MROH1: variants seen among roughly 807,000 people sequenced by gnomAD.
The protein encoded by MROH1 is maestro heat-like repeat-containing protein family member 1.
In MROH1, 117 loss-of-function variants were observed where a neutral mutation model predicts 116.5. The ratio of observed to expected loss-of-function variants is 1.00; its 90% CI spans 0.86 to 1.17. MROH1 has a LOEUF of 1.17. MROH1 is among the 50% of genes most tolerant of loss of function. The pLI is 0.00. For synonymous variants in MROH1, 921 were observed against 583.9 expected (o/e 1.58, Z -8.32); for missense variants, 1,873 against 1,338.5 (o/e 1.40, Z -6.23).
At chr8:144,165,879 C>T (rs1820713536) in intron 3 of MROH1, among the ~76,000 whole-genome samples, 1 of 150,240 alleles carries the variant, frequency 6.7e-6, no homozygotes, top group African/African-American at 2.5e-5. Context: ...GGCCATCAGG[C>T]ATTTATTTTT....
chr8:144,260,355 T>G lies in MROH1; in HGVS notation c.4361T>G (p.Ile1454Ser). Reference protein sequence around the residue: ...RSGLLHVAIRIRPFFDSEKME... With the variant: ...RSGLLHVAIRSRPFFDSEKME... ...GGGCTGCTGCACGTGGCCATCCGCA[T>G]CCGGCCTTTCTTCGACAGTGTAGGC... The change falls in exon 39 of 44, where the codon ATC (isoleucine) becomes AGC (serine). Residue 1454 changes from isoleucine to serine, a missense_variant. Ile to Ser is a moderately radical substitution (Grantham distance 142). Coordinates refer to ENST00000326134, the MANE Select transcript of MROH1 (RefSeq NM_032450.3). 1 of 726,036 alleles carries G rather than the reference T, an allele frequency of 1.4e-6. No homozygotes were observed. The highest frequency in any genetic ancestry group is 2.6e-5 in the East Asian group (1 of 38,616). The allele number at this position is 726,036 out of a possible 1,614,324, so 45.0% of individuals were successfully genotyped here. A position where few individuals can be genotyped will look rare whatever the true frequency, so the allele number is the denominator to read the frequency against.
intron 7 of MROH1, among the ~76,000 whole-genome samples, chr8:144,189,786 C>T (rs1396335909): frequency 1.3e-5 from 2 of 152,182 alleles, no homozygotes; most frequent in Non-Finnish European, 2.9e-5. Flanking sequence ...ATGTGTGGCA[C>T]AAGTCTGTCT....
intron 24 of MROH1, among the ~76,000 whole-genome samples, 162 bp from the exon 25 acceptor site, chr8:144,243,332 G>A (rs1338743536): frequency 1.3e-5 from 2 of 152,230 alleles, no homozygotes; most frequent in African/African-American, 2.4e-5. Context: ...GTGGCCCCCC[G>A]CTTCTTCCAC....
chr8:144,255,519 C>G lies in MROH1; in HGVS notation c.3605C>G (p.Ala1202Gly). 1.3e-6 allele frequency: 1 copy of G among 779,030 alleles called. No homozygotes were observed. The highest frequency in any genetic ancestry group is 1.3e-5 in the South Asian group (1 of 74,556). The allele number at this position is 779,030 out of a possible 1,614,324, so 48.3% of individuals were successfully genotyped here. ...TGACTTCTCCCCCAGGCTACCTGTG[C>G]ACTGTTTGAGGTCATGTCCACGCCT... is the stretch of plus-strand genomic sequence containing the variant. ...ATLLPLSATC[A>G]LFEVMSTPAA... The change falls in exon 35 of 44, where the codon GCA becomes GGA. Residue 1202 changes from alanine to glycine, a missense_variant. Transcript: ENST00000326134.
Position 144,245,143 on chromosome 8 carries a change from C to T in MROH1, c.2767-13C>T. On this transcript the variant is annotated splice_polypyrimidine_tract_variant and intron_variant, in intron 28 of 43. Transcript: ENST00000326134. ...CCTCTGAGCAGTACCTGTGTGACGC[C>T]CCTCTTCCTCAGCACCTGAGCCCAT... 1.3e-6 allele frequency: 1 copy of T among 778,838 alleles called. No homozygotes were observed. The highest frequency in any genetic ancestry group is 1.3e-5 in the South Asian group (1 of 74,544). 48.2% of individuals were successfully genotyped at this position (778,838 alleles called of 1,614,324 possible).
chr8:144,210,790 G>A (rs1410541772), intron 12 of MROH1, among the ~76,000 whole-genome samples: 4 of 151,900 alleles, frequency 2.6e-5, no homozygotes, highest in African/African-American at 9.7e-5. Context: ...TTTTTTGGAG[G>A]CTTGACCATT....
At position 144,260,342 on chromosome 8, in the gene MROH1, G is replaced by T; in HGVS notation, c.4348G>T (p.Val1450Leu). ...SWDLRSGLLH[V>L]AIRIRPFFDS... ...GGACCTGCGCTCAGGGCTGCTGCAC[G>T]TGGCCATCCGCATCCGGCCTTTCTT... is the stretch of plus-strand genomic sequence containing the variant. Residue 1450 changes from valine to leucine, a missense_variant, in exon 39 of 44, where the codon GTG becomes TTG. Coordinates refer to ENST00000326134, the MANE Select transcript of MROH1 (RefSeq NM_032450.3). 1.4e-6 allele frequency: 1 copy of T among 733,814 alleles called. No individual in the cohort carries two copies. 45.5% of individuals were successfully genotyped at this position (733,814 alleles called of 1,614,324 possible).
Position 144,223,186 on chromosome 8 carries a change from A to G in MROH1, c.1294A>G (p.Ile432Val). Reference sequence around the variant, plus strand: ...GGAGCAGCCTGGAGGTGAGGCGATGATCGAGTACATCGTGCAGCAGTGCGC... The same window carrying G: ...GGAGCAGCCTGGAGGTGAGGCGATGGTCGAGTACATCGTGCAGCAGTGCGC... ...YLEQPGGEAM[I>V]EYIVQQCALP... The change falls in exon 14 of 44, where the codon ATC becomes GTC. Residue 432 changes from isoleucine to valine, a missense_variant. Transcript: ENST00000326134. 1 of 1,611,664 alleles carries G rather than the reference A, an allele frequency of 6.2e-7. No individual in the cohort carries two copies. Among genetic ancestry groups the G allele is most frequent in the Non-Finnish European group, 8.5e-7 (1 of 1,179,142 alleles).
intron 4 of MROH1, chr8:144,175,694 CAA>C (rs1401755947): frequency 6.4e-6 from 3 of 470,754 alleles, no homozygotes; most frequent in Admixed American, 6.4e-5. Flanking sequence ...GAGCCTGAGA[CAA>C]GAGGATCGCT....
At chr8:144,256,432 G>GGGACAGC (rs1297746903) in intron 35 of MROH1, among the ~76,000 whole-genome samples, 13 of 142,606 alleles carry the variant, frequency 9.1e-5, no homozygotes, top group Admixed American at 3.4e-4. Context: ...ACACACCAGG[G>GGGACAGC]GGACAGCCGC....
chr8:144,218,938 G>A (rs571716644), intron 12 of MROH1, among the ~76,000 whole-genome samples: 7 of 130,074 alleles, frequency 5.4e-5, no homozygotes, highest in East Asian at 2.3e-4. Context: ...GGGCTCAAGC[G>A]ATTCTTGTGC....
chr8:144,261,347 C>T lies in MROH1; in HGVS notation c.4838C>T (p.Ala1613Val), dbSNP rs782190276. ...CAGGTGGACCTGGACCAGCTCATTG[C>T]GGGTGAGCACCCCTCCACGGGGCCC... ...QPQVDLDQLI[A>V]ALQILLKDPA... is the part of the protein sequence containing the mutation. The change falls in exon 43 of 44, where the codon GCG becomes GTG. Residue 1613 changes from alanine (A) to valine (V), a missense_variant and splice_region_variant. Coordinates refer to ENST00000326134, the MANE Select transcript of MROH1 (RefSeq NM_032450.3). 16 of 706,214 alleles carry T rather than the reference C, an allele frequency of 2.3e-5. No individual in the cohort carries two copies. The highest frequency in any genetic ancestry group is 1.3e-4 in the South Asian group (9 of 67,792). 43.7% of individuals were successfully genotyped at this position (706,214 alleles called of 1,614,324 possible). A position where few individuals can be genotyped will look rare whatever the true frequency, so the allele number is the denominator to read the frequency against.
chr8:144,175,254 A>G (rs1424647753), intron 4 of MROH1: 1 of 692,162 alleles, frequency 1.4e-6, no homozygotes, highest in Non-Finnish European at 1.8e-6. Flanking sequence ...GTCCGGTCGG[A>G]TGGGTATAAA....
rs192281897 is a variant in MROH1, at chr8:144,211,243, G to A, written c.1142-9357G>A. ...CAAGACGATAGGAGTCATGTGATATGTGGTATTCTCTCCTTTGAACGTCAG... is the reference window on the plus strand; with the variant it reads ...CAAGACGATAGGAGTCATGTGATATATGGTATTCTCTCCTTTGAACGTCAG... On this transcript the variant is annotated intron_variant, in intron 12 of 43. Coordinates refer to ENST00000326134, the MANE Select transcript of MROH1 (RefSeq NM_032450.3). 1.4e-4 allele frequency among the ~76,000 whole-genome samples: 21 copies of A among 152,328 alleles called. No individual in the cohort carries two copies. In the East Asian group the frequency reaches 4.0e-3, roughly 29 times the overall value.
At chr8:144,223,374 G>A in intron 14 of MROH1, 144 bp downstream of exon 14, 2 of 1,098,152 alleles carry the variant, frequency 1.8e-6, no homozygotes, top group Non-Finnish European at 2.6e-6. Context: ...GCTGTCTTTT[G>A]TTTAATAGAG....
intron 1 of MROH1, among the ~76,000 whole-genome samples, chr8:144,153,864 G>A (rs1481439638): frequency 5.5e-5 from 8 of 146,606 alleles, no homozygotes; most frequent in African/African-American, 1.5e-4. Flanking sequence ...GGGTTCAAGC[G>A]GTTCTTCTCC....
At chr8:144,175,166 GCTT>G (rs767259776) in intron 4 of MROH1, 4 of 985,186 alleles carry the variant, frequency 4.1e-6, no homozygotes, top group Non-Finnish European at 4.8e-6. Context: ...CTGCACCTGA[GCTT>G]CTCCTCCCAG....
At chr8:144,166,808 C>T (rs1050127164) in intron 3 of MROH1, among the ~76,000 whole-genome samples, 9 of 152,096 alleles carry the variant, frequency 5.9e-5, no homozygotes, top group Non-Finnish European at 7.4e-5. Flanking sequence ...TCCCAGAGCA[C>T]GTGAGACCTG....
In MROH1 at chr8:144,260,062, G is replaced by A; in HGVS notation, c.4191+5G>A. The A allele has an allele frequency of 1.4e-6, 1 of 727,318 alleles. No homozygotes were observed. The highest frequency in any genetic ancestry group is 2.5e-6 in the Non-Finnish European group (1 of 399,720). 45.1% of individuals were successfully genotyped at this position (727,318 alleles called of 1,614,324 possible). ...GCCTCCGGCTGCCCTGACAAGGTGGGGTGGCCACCAGCCCCTCTGGGTCCC... is the reference window on the plus strand; with the variant it reads ...GCCTCCGGCTGCCCTGACAAGGTGGAGTGGCCACCAGCCCCTCTGGGTCCC... On this transcript the variant is annotated splice_donor_5th_base_variant and intron_variant, in intron 38 of 43. Coordinates refer to ENST00000326134, the MANE Select transcript of MROH1 (RefSeq NM_032450.3).
Sources: allele counts gnomAD v4.1 joint callset (sites outside exome capture counted in the v4.1 genomes callset), GRCh38; gene constraint gnomAD v4.1.1; transcripts MANE v1.5; gene names NCBI Gene and HGNC (gene_info 2026-07-23, HGNC 2026-07-21).